The following SORCS1 variants were observed in gnomAD, a reference collection of about 807,000 sequenced individuals.
SORCS1 encodes the protein VPS10 domain-containing receptor SorCS1.
In SORCS1, 60 loss-of-function variants were observed where a neutral mutation model predicts 146.1. The ratio of observed to expected loss-of-function variants is 0.41; its 90% CI spans 0.33 to 0.51. The LOEUF is 0.51. Ranked by LOEUF, SORCS1 falls within the 20% of genes least tolerant of loss-of-function variation. SORCS1 has a pLI of 0.21. For missense variants in SORCS1, 1,352 were observed against 1,487.6 expected (o/e 0.91, Z 1.50); for synonymous variants, 637 against 584.0 (o/e 1.09, Z -1.31).
At chr10:107,138,129 A>T (rs933493962) in intron 1 of SORCS1, among the ~76,000 whole-genome samples, 3 of 152,188 alleles carry the variant, frequency 2.0e-5, no homozygotes, top group African/African-American at 7.2e-5. Context: ...CTAGCACATA[A>T]TAGGTGGTCA....
chr10:106,850,839 C>G (rs1399966516), intron 2 of SORCS1, among the ~76,000 whole-genome samples: 1 of 152,220 alleles, frequency 6.6e-6, no homozygotes, highest in East Asian at 1.9e-4. Flanking sequence ...CTGCCCTCAT[C>G]TCCCCTGCCA....
chr10:106,801,978 C>T (rs762458976), intron 3 of SORCS1, among the ~76,000 whole-genome samples: 6 of 152,174 alleles, frequency 3.9e-5, no homozygotes, highest in Non-Finnish European at 7.3e-5. Flanking sequence ...TTATGCTATG[C>T]GGCTCCATCT....
intron 5 of SORCS1, 125 bp downstream of exon 5, chr10:106,761,463 G>A (rs1400861059): frequency 6.6e-6 from 5 of 755,272 alleles, no homozygotes; most frequent in Admixed American, 4.1e-5. Flanking sequence ...GGGGATGTGG[G>A]CATGTCCCAA....
chr10:106,836,438 G>A (rs1480385254), intron 2 of SORCS1, among the ~76,000 whole-genome samples: 2 of 141,370 alleles, frequency 1.4e-5, no homozygotes, highest in Non-Finnish European at 3.0e-5. Context: ...TTGCGCCACT[G>A]CACTCCAGCC....
At chr10:107,011,477 T>G (rs1363214327) in intron 1 of SORCS1, among the ~76,000 whole-genome samples, 2 of 152,234 alleles carry the variant, frequency 1.3e-5, no homozygotes, top group Non-Finnish European at 2.9e-5. Flanking sequence ...GTAAATGCTG[T>G]GTCTTTGCTT....
At chr10:106,690,943 C>A (rs567671867) in intron 9 of SORCS1, among the ~76,000 whole-genome samples, 6 of 152,082 alleles carry the variant, frequency 3.9e-5, no homozygotes, top group Non-Finnish European at 5.9e-5. Flanking sequence ...TCTCATCCTA[C>A]GTTTCTTGGA....
chr10:106,721,016 T>C (rs1368415754), intron 6 of SORCS1, among the ~76,000 whole-genome samples: 2 of 151,714 alleles, frequency 1.3e-5, no homozygotes, highest in African/African-American at 4.8e-5. Context: ...TGGATATCAC[T>C]AGTCATTGAA....
intron 19 of SORCS1, among the ~76,000 whole-genome samples, chr10:106,624,792 A>G (rs887270123): frequency 1.6e-4 from 24 of 152,272 alleles, no homozygotes; most frequent in African/African-American, 5.3e-4. Flanking sequence ...TATTAAATTT[A>G]TCTTTCAGAT....
chr10:106,596,388 T>C lies in SORCS1; in HGVS notation c.3265+963A>G, dbSNP rs1845905849. 2.6e-5 allele frequency among the ~76,000 whole-genome samples: 4 copies of C among 152,250 alleles called. No homozygotes were observed. In the South Asian group the frequency reaches 6.2e-4, roughly 24 times the overall value. On this transcript the variant is annotated intron_variant, in intron 24 of 25. Coordinates refer to ENST00000263054, the MANE Select transcript of SORCS1 (RefSeq NM_052918.5). Reference sequence around the variant, plus strand: ...ATAAGTACTCAATAAATATTGTTAATTTATTATTAATACATCACAACAATG... The same window carrying C: ...ATAAGTACTCAATAAATATTGTTAACTTATTATTAATACATCACAACAATG...
chr10:106,629,252 A>C lies in SORCS1; in HGVS notation c.2612T>G (p.Val871Gly). The stretch of plus-strand genomic sequence containing the variant: ...GCTGTCAGAACCCAGACTGTTGTCC[A>C]CCTGCACGGTCACACGGAAAATGCC... ...NVGIFRVTVQ[V>G]DNSLGSDSAV... is the part of the protein sequence containing the mutation. Residue 871 changes from valine (V) to glycine (G), a missense_variant, in exon 19 of 26, where the codon GTG becomes GGG. Transcript: ENST00000263054. 6.2e-7 allele frequency: 1 copy of C among 1,614,100 alleles called. No homozygotes were observed.
intron 6 of SORCS1, among the ~76,000 whole-genome samples, chr10:106,710,760 A>T (rs1247990791): frequency 6.6e-6 from 1 of 151,884 alleles, no homozygotes; most frequent in Non-Finnish European, 1.5e-5. Flanking sequence ...AACCTCCCCC[A>T]CTTCTCACCA....
intron 2 of SORCS1, among the ~76,000 whole-genome samples, chr10:106,896,531 T>G (rs1951485708): frequency 6.6e-6 from 1 of 151,812 alleles, no homozygotes; most frequent in African/African-American, 2.4e-5. Flanking sequence ...AGTTTGAAAT[T>G]TACAAGATGA....
intron 1 of SORCS1, among the ~76,000 whole-genome samples, chr10:107,011,526 C>G (rs775578277): frequency 7.2e-5 from 11 of 152,198 alleles, no homozygotes; most frequent in Non-Finnish European, 1.6e-4. Flanking sequence ...CCATTAGATG[C>G]TACATGGACT....
Position 107,099,990 on chromosome 10 carries a change from C to G in SORCS1, c.558+63979G>C, listed in dbSNP as rs185168037. On this transcript the variant is annotated intron_variant, in intron 1 of 25. Transcript: ENST00000263054. ...GTCGGAATCACAGTAAATGGAAACT[C>G]TCTTGCATTTGCACATGCAGAAAGG... is the stretch of plus-strand genomic sequence containing the variant. Among the ~76,000 whole-genome samples the G allele has an allele frequency of 4.1e-4, 63 of 152,284 alleles. 1 individual carries two copies. The highest frequency in any genetic ancestry group is 1.5e-3 in the African/African-American group (63 of 41,570).
chr10:107,017,425 T>C (rs1957945492), intron 1 of SORCS1, among the ~76,000 whole-genome samples: 1 of 152,212 alleles, frequency 6.6e-6, no homozygotes, highest in Admixed American at 6.5e-5. Flanking sequence ...GTGTGTATAA[T>C]TCTATTTACA....
chr10:106,639,455 A>G (rs1181080404), intron 18 of SORCS1, among the ~76,000 whole-genome samples: 1 of 152,232 alleles, frequency 6.6e-6, no homozygotes, highest in African/African-American at 2.4e-5. Flanking sequence ...GAACAGCAAT[A>G]TTCCAATATA....
At chr10:106,814,775 C>T (rs1042420028) in intron 3 of SORCS1, among the ~76,000 whole-genome samples, 3 of 151,636 alleles carry the variant, frequency 2.0e-5, no homozygotes, top group South Asian at 4.2e-4. Flanking sequence ...ATTAGCCAGG[C>T]GTGGTGGTGG....
At chr10:107,095,767 T>C (rs1404032545) in intron 1 of SORCS1, among the ~76,000 whole-genome samples, 2 of 152,040 alleles carry the variant, frequency 1.3e-5, no homozygotes. Flanking sequence ...TGGCTAAGTA[T>C]AGGGCAGAAA....
intron 2 of SORCS1, among the ~76,000 whole-genome samples, chr10:106,892,166 C>T (rs534516442): frequency 1.3e-5 from 2 of 152,278 alleles, no homozygotes; most frequent in East Asian, 3.9e-4. Context: ...ATGAAATGGA[C>T]CGAGATTTCC....
Sources: gnomAD v4.1 joint callset for allele counts (sites outside exome capture counted in the v4.1 genomes callset) on GRCh38, gnomAD v4.1.1 for gene constraint, MANE v1.5 for transcripts, NCBI Gene and HGNC (gene_info 2026-07-23, HGNC 2026-07-21) for gene names.